The following RBFOX1 variants were observed in gnomAD, a reference collection of about 807,000 sequenced individuals.
RBFOX1 encodes the protein RNA binding fox-1 homolog 1, also known as RNA binding protein fox-1 homolog 1.
Under a neutral mutation model 57.7 loss-of-function variants are expected in RBFOX1, and 8 were observed. That is an observed-to-expected ratio of 0.14 (90% CI 0.08 to 0.25). The LOEUF is 0.25. Among genes scored for constraint, RBFOX1 ranks in the 10% least tolerant of loss-of-function variants. The pLI, the probability that RBFOX1 is intolerant of heterozygous loss-of-function variation, is 1.00. For synonymous variants in RBFOX1, 326 were observed against 222.4 expected (o/e 1.47, Z -4.15); for missense variants, 611 against 548.5 (o/e 1.11, Z -1.14).
intron 3 of RBFOX1, among the ~76,000 whole-genome samples, chr16:6,706,289 G>A (rs192707595): frequency 2.8e-3 from 423 of 152,238 alleles, no homozygotes; most frequent in African/African-American, 9.6e-3. Flanking sequence ...CTAAAAGAGT[G>A]AAAAATAAAT....
At chr16:5,686,369 A>G (rs991957234) in intron 3 of RBFOX1, among the ~76,000 whole-genome samples, 12 of 152,296 alleles carry the variant, frequency 7.9e-5, no homozygotes, top group Admixed American at 7.8e-4. Context: ...GGTGGTTTGA[A>G]TATTAGTATT....
intron 1 of RBFOX1, among the ~76,000 whole-genome samples, chr16:5,374,676 C>G (rs984664417): frequency 2.7e-5 from 4 of 149,758 alleles, no homozygotes; most frequent in African/African-American, 9.8e-5. Context: ...CAGAGGTGAT[C>G]AGAGCTGGGT....
At chr16:5,438,489 C>T (rs1597068262) in intron 1 of RBFOX1, among the ~76,000 whole-genome samples, 2 of 152,298 alleles carry the variant, frequency 1.3e-5, no homozygotes, top group African/African-American at 4.8e-5. Flanking sequence ...AAGGGCCCAG[C>T]ATTCCAACTG....
At chr16:7,448,289 A>T (rs1334123816) in intron 4 of RBFOX1, among the ~76,000 whole-genome samples, 1 of 152,206 alleles carries the variant, frequency 6.6e-6, no homozygotes, top group East Asian at 1.9e-4. Context: ...GGAAGGATGT[A>T]TTAGTTGATT....
chr16:6,430,331 C>T (rs2094044182), intron 2 of RBFOX1, among the ~76,000 whole-genome samples: 1 of 152,018 alleles, frequency 6.6e-6, no homozygotes, highest in Admixed American at 6.6e-5. Context: ...CGGGGAATGA[C>T]AAAATGCTAT....
chr16:6,095,379 T>A (rs1597256898), intron 1 of RBFOX1, among the ~76,000 whole-genome samples: 1 of 152,314 alleles, frequency 6.6e-6, no homozygotes, highest in East Asian at 1.9e-4. Context: ...CTCCAACACC[T>A]CACTCTTTTT....
At chr16:5,854,088 C>T (rs901695670) in intron 3 of RBFOX1, among the ~76,000 whole-genome samples, 14 of 152,194 alleles carry the variant, frequency 9.2e-5, no homozygotes, top group African/African-American at 3.4e-4. Context: ...TTAAGGTTAA[C>T]AGTATGTTTT....
chr16:5,893,495 A>G (rs567118026), intron 4 of RBFOX1, among the ~76,000 whole-genome samples: 1 of 152,306 alleles, frequency 6.6e-6, no homozygotes, highest in South Asian at 2.1e-4. Context: ...ATTGTTACGC[A>G]TCGCATACCT....
At chr16:7,154,568 C>T (rs1010835402) in intron 4 of RBFOX1, among the ~76,000 whole-genome samples, 1 of 152,230 alleles carries the variant, frequency 6.6e-6, no homozygotes, top group South Asian at 2.1e-4. Flanking sequence ...CTTGTTAAAA[C>T]TATTTATATT....
intron 2 of RBFOX1, among the ~76,000 whole-genome samples, chr16:6,505,852 G>C (rs1350681019): frequency 6.6e-6 from 1 of 152,138 alleles, no homozygotes; most frequent in Admixed American, 6.5e-5. Flanking sequence ...CTCAGTGTTG[G>C]GGTAAGGAGC....
intron 1 of RBFOX1, among the ~76,000 whole-genome samples, chr16:5,253,882 C>T (rs1567238782): frequency 1.3e-5 from 2 of 152,334 alleles, no homozygotes; most frequent in East Asian, 3.9e-4. Context: ...ATGGTCTCAT[C>T]TGACAGTGGA....
chr16:6,401,081 A>G (rs1233663851), intron 2 of RBFOX1, among the ~76,000 whole-genome samples: 1 of 152,176 alleles, frequency 6.6e-6, no homozygotes, highest in Non-Finnish European at 1.5e-5. Context: ...ATTAAAAGGA[A>G]CCAAAACTTA....
chr16:6,214,729 G>A (rs185858772), intron 1 of RBFOX1, among the ~76,000 whole-genome samples: 2 of 123,870 alleles, frequency 1.6e-5, no homozygotes, highest in Non-Finnish European at 3.4e-5. Context: ...AGGAGAGAGG[G>A]AGAAGGAGAG....
intron 4 of RBFOX1, among the ~76,000 whole-genome samples, chr16:7,153,394 C>G (rs1025163900): frequency 1.3e-5 from 2 of 152,042 alleles, no homozygotes; most frequent in Non-Finnish European, 2.9e-5. Flanking sequence ...CCTGTCCCAC[C>G]TTCCAGGAAA....
intron 2 of RBFOX1, among the ~76,000 whole-genome samples, chr16:5,540,651 G>A (rs2044895449): frequency 6.6e-6 from 1 of 152,024 alleles, no homozygotes; most frequent in Admixed American, 6.6e-5. Flanking sequence ...CAGATTTCTG[G>A]GTCTGATCTC....
At chr16:5,628,642 C>T (rs1304491840) in intron 3 of RBFOX1, among the ~76,000 whole-genome samples, 1 of 152,214 alleles carries the variant, frequency 6.6e-6, no homozygotes, top group Non-Finnish European at 1.5e-5. Context: ...GAACCCACAG[C>T]TGAGACAGCT....
intron 2 of RBFOX1, among the ~76,000 whole-genome samples, chr16:5,506,234 C>A (rs909962356): frequency 6.6e-6 from 1 of 152,226 alleles, no homozygotes; most frequent in African/African-American, 2.4e-5. Flanking sequence ...TACACCAGTA[C>A]TGAGCACTGT....
Position 6,691,538 on chromosome 16 carries a change from C to T in RBFOX1, c.-16+36888C>T, listed in dbSNP as rs576191939. Among the ~76,000 whole-genome samples, 10 of 152,204 alleles carry T rather than the reference C, an allele frequency of 6.6e-5. No individual in the cohort carries two copies. The East Asian group carries it at 1.2e-3, about 18-fold the overall frequency. ...GAGTAAATGCGTTTCGCAGGTTTCCCGTTATCACATTACACGCGTTATATG... is the reference window on the plus strand; with the variant it reads ...GAGTAAATGCGTTTCGCAGGTTTCCTGTTATCACATTACACGCGTTATATG... On this transcript the variant is annotated intron_variant, in intron 3 of 15. Transcript: ENST00000550418.
intron 1 of RBFOX1, among the ~76,000 whole-genome samples, chr16:6,050,332 G>T (rs779863249): frequency 4.6e-5 from 7 of 152,136 alleles, no homozygotes; most frequent in Non-Finnish European, 8.8e-5. Context: ...TCTTTGTGGT[G>T]ATTGTTGACC....
Sources: gnomAD v4.1 joint callset for allele counts (sites outside exome capture counted in the v4.1 genomes callset) on GRCh38, gnomAD v4.1.1 for gene constraint, MANE v1.5 for transcripts, NCBI Gene and HGNC (gene_info 2026-07-23, HGNC 2026-07-21) for gene names.